The following YIF1B variants were observed in gnomAD, a reference collection of about 807,000 sequenced individuals.
YIF1B encodes Yip1 interacting factor homolog B, membrane trafficking protein, also known as protein YIF1B.
In YIF1B, 24 loss-of-function variants were observed where a neutral mutation model predicts 34.6. That is an observed-to-expected ratio of 0.69 (90% CI 0.50 to 0.98). The LOEUF is 0.98. Among genes scored for constraint, YIF1B ranks in the 50% least tolerant of loss-of-function variants. YIF1B has a pLI of 0.00. For missense variants in YIF1B, 368 were observed against 429.4 expected, an observed-to-expected ratio of 0.86 and a Z score of 1.26; for synonymous variants, 186 against 184.8, an observed-to-expected ratio of 1.01 and a Z score of -0.05.
upstream of YIF1B, among the ~76,000 whole-genome samples, chr19:38,319,241 C>T (rs1184084031): frequency 6.6e-6 from 1 of 152,088 alleles, no homozygotes; most frequent in Non-Finnish European, 1.5e-5. Flanking sequence ...GGACAACAGG[C>T]GTGGGTCACT....
rs906872606 is a variant in YIF1B, at chr19:38,307,641, G to A, written c.651C>T (p.Leu217=). Residue 217 remains leucine (L), a synonymous_variant, in exon 6 of 8, where the codon CTC becomes CTT. Transcript: ENST00000339413. The part of the protein sequence containing the change: ...SLYLVTVNTD[L]TTIDLVAFLG... ...AGAAGGCCACCAGGTCGATGGTGGT[G>A]AGGTCGGTGTTGACAGTGACCAGAT... 3 of 1,613,782 alleles carry A rather than the reference G, an allele frequency of 1.9e-6. No individual in the cohort carries two copies. The highest frequency in any genetic ancestry group is 1.3e-5 in the African/African-American group (1 of 74,894).
At chr19:38,318,426 G>C (rs1193106263), upstream of YIF1B, among the ~76,000 whole-genome samples, 1 of 152,076 alleles carries the variant, frequency 6.6e-6, no homozygotes, top group Non-Finnish European at 1.5e-5. Flanking sequence ...TGGGACTACA[G>C]ACGCATGCCA....
upstream of YIF1B, chr19:38,320,402 G>C (rs1969637470): frequency 3.0e-6 from 3 of 999,700 alleles, no homozygotes; most frequent in Non-Finnish European, 4.3e-6. Flanking sequence ...CCCCCGAAAA[G>C]ACCCCAGTGA....
At position 38,304,576 on chromosome 19, in the gene YIF1B, C is replaced by G; in HGVS notation, c.*776G>C. On this transcript the variant is annotated 3_prime_UTR_variant, in exon 8 of 8. Transcript: ENST00000339413. ...GGGTCCTGCCTTAGGCCTCCAACTT[C>G]AGGGGGCTGGGTAAGGGGCGCCGCC... is the stretch of plus-strand genomic sequence containing the variant. 4 of 1,610,616 alleles carry G rather than the reference C, an allele frequency of 2.5e-6. No individual in the cohort carries two copies. The highest frequency in any genetic ancestry group is 3.4e-6 in the Non-Finnish European group (4 of 1,178,786).
At chr19:38,319,751 G>A (rs35323359), upstream of YIF1B, 25,037 of 535,178 alleles carry the variant, frequency 0.047, 749 homozygotes, top group East Asian at 0.1. Flanking sequence ...CGAACACCTG[G>A]CGGTTGGGCG....
upstream of YIF1B, chr19:38,319,800 C>T (rs1440274769): frequency 1.5e-5 from 12 of 795,540 alleles, no homozygotes; most frequent in Non-Finnish European, 2.1e-5. Context: ...CCTCCGTCGC[C>T]GCCCCCCACC....
At chr19:38,320,546 C>T (rs75172195), upstream of YIF1B, among the ~76,000 whole-genome samples, 1 of 145,740 alleles carries the variant, frequency 6.9e-6, no homozygotes, top group East Asian at 2.0e-4. Flanking sequence ...GTTCCTCGGT[C>T]TTTTTTTTTT....
chr19:38,317,442 A>G (rs559993749), upstream of YIF1B, among the ~76,000 whole-genome samples: 229 of 152,192 alleles, frequency 1.5e-3, no homozygotes, highest in African/African-American at 5.4e-3. Context: ...TGTGAGCGAA[A>G]TGCCCGCATT....
rs979109170 is a variant in YIF1B, at chr19:38,305,484, G to C, written c.813C>G (p.Ile271Met). The C allele has an allele frequency of 2.5e-6, 4 of 1,606,264 alleles. No homozygotes were observed. Among genetic ancestry groups the C allele is most frequent in the Non-Finnish European group, 3.4e-6 (4 of 1,174,860 alleles). ...CCCCCTCAGCTGCTGCGTCTGCCAA[G>C]ATCTTCAGCCGCAGCGTCCGGATCT... ...VFMIRTLRLKILADAAAEGVP... is the reference protein window; with the variant it reads ...VFMIRTLRLKMLADAAAEGVP... The change falls in exon 8 of 8, where the codon ATC becomes ATG. Residue 271 changes from isoleucine to methionine, a missense_variant. Physicochemically the swap from Ile to Met is conservative, Grantham distance 10. Coordinates refer to ENST00000339413, the MANE Select transcript of YIF1B (RefSeq NM_001039672.3).
chr19:38,315,837 G>C, intron 1 of YIF1B, 23 bp downstream of exon 1: 1 of 1,302,918 alleles, frequency 7.7e-7, no homozygotes, highest in Non-Finnish European at 1.0e-6. Context: ...CCGCCCGCCC[G>C]ATCTCCTCCG....
Position 38,305,292 on chromosome 19 carries a change from T to C in YIF1B, c.*60A>G. The C allele has an allele frequency of 1.3e-6, 2 of 1,563,716 alleles. No individual in the cohort carries two copies. Among genetic ancestry groups the C allele is most frequent in the Non-Finnish European group, 1.7e-6 (2 of 1,153,774 alleles). On this transcript the variant is annotated 3_prime_UTR_variant, in exon 8 of 8. Coordinates refer to ENST00000339413, the MANE Select transcript of YIF1B (RefSeq NM_001039672.3). ...TTGGGGCCTGCAGGCAGGAGATGAG[T>C]TCGGCGGCCACAGTGGCCCCCAGCA...
chr19:38,309,428 C>T lies in YIF1B; in HGVS notation c.274G>A (p.Gly92Ser). 1.2e-6 allele frequency: 2 copies of T among 1,613,492 alleles called. No individual in the cohort carries two copies. Among genetic ancestry groups the T allele is most frequent in the Non-Finnish European group, 1.7e-6 (2 of 1,179,584 alleles). Residue 92 changes from glycine (G) to serine (S), a missense_variant, in exon 2 of 8, where the codon GGC (glycine) becomes AGC (serine). Coordinates refer to ENST00000339413, the MANE Select transcript of YIF1B (RefSeq NM_001039672.3). ...MAYGSSLAAQ[G>S]KELVDKNIDR... is the part of the protein sequence containing the mutation. ...ACGTTCTTATCCACCAGCTCCTTGC[C>T]CTGCGCGGCCAGGCTGCTCCCATAG...
intron 1 of YIF1B, among the ~76,000 whole-genome samples, chr19:38,314,904 C>T (rs80016616): frequency 1.8e-4 from 27 of 152,174 alleles, no homozygotes; most frequent in South Asian, 1.4e-3. Context: ...TAGGCCAGCA[C>T]GCCCAGCCTG....
rs1287259921 is a variant in YIF1B at position 38,307,871 on chromosome 19, G to A, written c.540-119C>T. ...ACACCTGGCAGTGACCAAGATGGAT[G>A]TGCGCGCTATCCTATTCCCACGGAA... On this transcript the variant is annotated intron_variant, in intron 5 of 7. Coordinates refer to ENST00000339413, the MANE Select transcript of YIF1B (RefSeq NM_001039672.3). The A allele has an allele frequency of 3.8e-6, 5 of 1,303,218 alleles. No homozygotes were observed. In the Admixed American group the frequency reaches 1.1e-4, roughly 29 times the overall value. The allele number at this position is 1,303,218 out of a possible 1,614,324, so 80.7% of individuals were successfully genotyped here.
At chr19:38,311,312 A>G (rs1051591814) in intron 1 of YIF1B, among the ~76,000 whole-genome samples, 1 of 152,016 alleles carries the variant, frequency 6.6e-6, no homozygotes, top group Non-Finnish European at 1.5e-5. Context: ...AAAACAAAAA[A>G]CAGAATAAAT....
intron 7 of YIF1B, among the ~76,000 whole-genome samples, chr19:38,306,348 A>T (rs1969035280): frequency 6.6e-6 from 1 of 151,438 alleles, no homozygotes; most frequent in South Asian, 2.1e-4. Context: ...AGTAGCTGGG[A>T]CTACAGGTGC....
upstream of YIF1B, chr19:38,319,925 G>A (rs116273640): frequency 5.7e-5 from 79 of 1,395,264 alleles, no homozygotes; most frequent in African/African-American, 9.9e-4. Context: ...GGGCCACCCA[G>A]GGCTCGCGGG....
intron 1 of YIF1B, 174 bp from the exon 2 acceptor site, chr19:38,309,817 C>T: frequency 1.4e-6 from 2 of 1,431,134 alleles, no homozygotes; most frequent in Non-Finnish European, 1.8e-6. Flanking sequence ...GCCATTCATC[C>T]ACCAACCCAC....
At position 38,308,960 on chromosome 19, in the gene YIF1B, G is replaced by A. The variant is rs942099508; in HGVS notation, c.481+19C>T. The A allele has an allele frequency of 1.2e-6, 2 of 1,608,846 alleles. No individual in the cohort carries two copies. Among genetic ancestry groups the A allele is most frequent in the Non-Finnish European group, 1.7e-6 (2 of 1,176,376 alleles). On this transcript the variant is annotated intron_variant, in intron 4 of 7. Coordinates refer to ENST00000339413, the MANE Select transcript of YIF1B (RefSeq NM_001039672.3). ...GCCCGGAAGAGAGAGGAGGGTGCAG[G>A]GTAGGGGGAGGGTGAAACCTGGAAT...
Sources: allele counts gnomAD v4.1 joint callset (sites outside exome capture counted in the v4.1 genomes callset), GRCh38; gene constraint gnomAD v4.1.1; transcripts MANE v1.5; gene names NCBI Gene and HGNC (gene_info 2026-07-23, HGNC 2026-07-21).